UBAP2: variants seen among roughly 807,000 people sequenced by gnomAD.
The protein encoded by UBAP2 is ubiquitin associated protein 2, also known as ubiquitin-associated protein 2.
Under a neutral mutation model 139.6 loss-of-function variants are expected in UBAP2, and 75 were observed. That is an observed-to-expected ratio of 0.54 (90% CI 0.45 to 0.65). UBAP2 has a LOEUF of 0.65. Among genes scored for constraint, UBAP2 ranks in the 30% least tolerant of loss-of-function variants. UBAP2 has a pLI of 0.00. For synonymous variants in UBAP2, 526 were observed against 526.2 expected, an observed-to-expected ratio of 1.00 and a Z score of 0.01; for missense variants, 1,368 against 1,369.6, an observed-to-expected ratio of 1.00 and a Z score of 0.02.
chr9:33,939,715 T>A (rs568938902), intron 16 of UBAP2, among the ~76,000 whole-genome samples: 6 of 118,348 alleles, frequency 5.1e-5, no homozygotes, highest in Non-Finnish European at 5.0e-5. Context: ...AGACCCTGTA[T>A]CAAAATGAAG....
chr9:34,047,946 G>A (rs766891299), intron 1 of UBAP2, among the ~76,000 whole-genome samples: 9 of 152,208 alleles, frequency 5.9e-5, no homozygotes, highest in Non-Finnish European at 8.8e-5. Context: ...TCCAATAGAA[G>A]TGGTAGTAAA....
rs548302201 is a variant in UBAP2, at chr9:34,039,562, G to C, written c.-42+9263C>G. On this transcript the variant is annotated intron_variant, in intron 1 of 28. Coordinates refer to ENST00000379238, the MANE Select transcript of UBAP2 (RefSeq NM_001370062.2). ...AATCTATAACCTTACCCCCAACCCC[G>C]TGCTCTCTGAAACATGTGCTGTGTC... is the stretch of plus-strand genomic sequence containing the variant. Among the ~76,000 whole-genome samples the C allele has an allele frequency of 1.2e-4, 19 of 152,066 alleles. No homozygotes were observed. In the East Asian group the frequency reaches 1.4e-3, roughly 11 times the overall value.
intron 6 of UBAP2, among the ~76,000 whole-genome samples, chr9:33,978,385 A>T (rs1024420150): frequency 8.5e-5 from 13 of 152,180 alleles, no homozygotes; most frequent in Middle Eastern, 3.4e-3. Flanking sequence ...TAAAAAAAAA[A>T]TTTTTAAGTA....
chr9:33,998,845 C>A lies in UBAP2; in HGVS notation c.119G>T (p.Arg40Leu). The A allele has an allele frequency of 1.2e-6, 2 of 1,611,276 alleles. No homozygotes were observed. The highest frequency in any genetic ancestry group is 1.7e-6 in the Non-Finnish European group (2 of 1,179,628). The change falls in exon 3 of 29, where the codon CGT becomes CTT. Residue 40 changes from arginine to leucine, a missense_variant. By Grantham distance (102) the Arg-to-Leu change is moderately radical. Coordinates refer to ENST00000379238, the MANE Select transcript of UBAP2 (RefSeq NM_001370062.2). ...QVVQATAEQM[R>L]LAQVIFDKND... The stretch of plus-strand genomic sequence containing the variant: ...CTTATCAAAGATCACTTGAGCGAGA[C>A]GCATCTGTTCAGCTGTTGCCTGGAA...
rs55858327 is a variant in UBAP2, at chr9:33,956,317, ATTT to A, written c.799-174_799-172del. On this transcript the variant is annotated intron_variant, in intron 10 of 28. Coordinates refer to ENST00000379238, the MANE Select transcript of UBAP2 (RefSeq NM_001370062.2). ...GACAAGTAATTTTCAAGTGAATGCA[ATTT>A]TTTTTTTTTTTTTTTTGAGACAGGG... Among the ~76,000 whole-genome samples, 440 of 133,980 alleles carry A rather than the reference ATTT, an allele frequency of 3.3e-3. 1 individual carries two copies. Among genetic ancestry groups the A allele is most frequent in the African/African-American group, 8.1e-3 (289 of 35,478 alleles). The allele number at this position is 133,980 out of a possible 152,430, so 87.9% of individuals were successfully genotyped here. A position where few individuals can be genotyped will look rare whatever the true frequency, so the allele number is the denominator to read the frequency against.
At chr9:34,034,895 A>T (rs1179390497) in intron 1 of UBAP2, among the ~76,000 whole-genome samples, 2 of 152,178 alleles carry the variant, frequency 1.3e-5, no homozygotes, top group East Asian at 3.9e-4. Context: ...AACAAAAAAA[A>T]AACGAATCGC....
intron 1 of UBAP2, among the ~76,000 whole-genome samples, chr9:34,028,246 A>G (rs1013386191): frequency 1.3e-5 from 2 of 152,092 alleles, no homozygotes; most frequent in Non-Finnish European, 2.9e-5. Context: ...AATTTATTTG[A>G]TATCGTCACA....
intron 2 of UBAP2, among the ~76,000 whole-genome samples, chr9:34,007,917 A>AG (rs1823380797): frequency 6.6e-6 from 1 of 152,094 alleles, no homozygotes; most frequent in African/African-American, 2.4e-5. Flanking sequence ...CTGCAATTAC[A>AG]GGCATAAGCC....
At chr9:34,018,288 C>A (rs899590115) in intron 1 of UBAP2, among the ~76,000 whole-genome samples, 2 of 149,414 alleles carry the variant, frequency 1.3e-5, no homozygotes, top group African/African-American at 4.9e-5. Context: ...ACCAGAAAAC[C>A]TGCTAGACAA....
chr9:33,964,033 G>C (rs1827270707), intron 8 of UBAP2, among the ~76,000 whole-genome samples: 1 of 152,126 alleles, frequency 6.6e-6, no homozygotes. Context: ...TGTTTACCAA[G>C]CTCCCTTCTC....
intron 9 of UBAP2, among the ~76,000 whole-genome samples, chr9:33,962,661 TA>T (rs1426050423): frequency 2.9e-4 from 38 of 132,090 alleles, no homozygotes; most frequent in East Asian, 2.4e-4. Context: ...AATAAATAAA[TA>T]AATAAATAAA....
chr9:34,035,877 GACAT>G (rs1156745723), intron 1 of UBAP2, among the ~76,000 whole-genome samples: 1 of 143,640 alleles, frequency 7.0e-6, no homozygotes, highest in African/African-American at 2.5e-5. Context: ...TTTACTCAAG[GACAT>G]ACTGCACATT....
intron 12 of UBAP2, among the ~76,000 whole-genome samples, chr9:33,952,197 A>G (rs1826157890): frequency 6.6e-6 from 1 of 152,248 alleles, no homozygotes; most frequent in Non-Finnish European, 1.5e-5. Flanking sequence ...CCCTAGTAAG[A>G]GCTGTAGTTC....
At chr9:33,935,005 T>C (rs1477386336) in intron 17 of UBAP2, among the ~76,000 whole-genome samples, 1 of 152,188 alleles carries the variant, frequency 6.6e-6, no homozygotes, top group African/African-American at 2.4e-5. Flanking sequence ...CAGGAAATCC[T>C]ATTTAAAGAG....
chr9:33,950,039 GTTC>G (rs1273332527), intron 12 of UBAP2, among the ~76,000 whole-genome samples: 2 of 151,574 alleles, frequency 1.3e-5, no homozygotes, highest in African/African-American at 4.9e-5. Flanking sequence ...TGAAATATAA[GTTC>G]TTCATCAAAA....
intron 2 of UBAP2, among the ~76,000 whole-genome samples, chr9:34,003,345 T>C (rs558784327): frequency 2.7e-5 from 4 of 149,952 alleles, no homozygotes; most frequent in Admixed American, 2.0e-4. Context: ...TCCATTCTTA[T>C]ACCCAAATCT....
At chr9:33,967,749 T>TA (rs1827579434) in intron 8 of UBAP2, among the ~76,000 whole-genome samples, 3 of 152,306 alleles carry the variant, frequency 2.0e-5, no homozygotes, top group South Asian at 4.1e-4. Flanking sequence ...AAAGGGGCTG[T>TA]AAAAAATAAT....
At chr9:34,027,454 T>C (rs887879228) in intron 1 of UBAP2, among the ~76,000 whole-genome samples, 5 of 151,984 alleles carry the variant, frequency 3.3e-5, no homozygotes, top group African/African-American at 1.2e-4. Flanking sequence ...TAGTGGCTCA[T>C]GCCTGTAACT....
At chr9:33,927,183 G>A in intron 20 of UBAP2, 103 bp from the exon 21 acceptor site, 1 of 856,774 alleles carries the variant, frequency 1.2e-6, no homozygotes, top group African/African-American at 1.7e-5. Context: ...ACCCCAGATG[G>A]GTTCAAAGAA....
Sources: allele counts gnomAD v4.1 joint callset (sites outside exome capture counted in the v4.1 genomes callset), GRCh38; gene constraint gnomAD v4.1.1; transcripts MANE v1.5; gene names NCBI Gene and HGNC (gene_info 2026-07-23, HGNC 2026-07-21).